KLF17: variants seen among roughly 807,000 people sequenced by gnomAD.
KLF17 encodes Krueppel-like factor 17.
In KLF17, 31 loss-of-function variants were observed where a neutral mutation model predicts 34.2. The observed-to-expected ratio is 0.91, with a 90% CI of 0.68 to 1.22. KLF17 has a LOEUF of 1.22. KLF17 is among the 50% of genes most tolerant of loss of function. The pLI, the probability that KLF17 is intolerant of heterozygous loss-of-function variation, is 0.00. For synonymous variants in KLF17, 179 were observed against 186.7 expected, an observed-to-expected ratio of 0.96 and a Z score of 0.34; for missense variants, 478 against 505.2, an observed-to-expected ratio of 0.95 and a Z score of 0.52.
chr1:44,063,938 T>C, the KLF17 span, among the ~76,000 whole-genome samples: 1 of 152,168 alleles, frequency 6.6e-6, no homozygotes, highest in African/African-American at 2.4e-5. Context: ...GATTGAATGC[T>C]GTTAGGAAGC....
intron 1 of KLF17, among the ~76,000 whole-genome samples, chr1:44,124,688 G>C (rs1481478324): frequency 6.6e-6 from 1 of 151,974 alleles, no homozygotes; most frequent in African/African-American, 2.4e-5. Flanking sequence ...TAGAGATGGG[G>C]TTTTACCATG....
Position 44,127,642 on chromosome 1 carries a change from C to CTTTTCTTTTCTTTTCTTTTCT in KLF17, c.82-1708_82-1707insTCTTTTCTTTTCTTTTCTTTT, listed in dbSNP as rs749639168. Among the ~76,000 whole-genome samples the CTTTTCTTTTCTTTTCTTTTCT allele has an allele frequency of 1.4e-4, 7 of 48,506 alleles. 1 individual carries two copies. The highest frequency in any genetic ancestry group is 6.9e-4 in the African/African-American group (7 of 10,208). 31.8% of individuals were successfully genotyped at this position (48,506 alleles called of 152,430 possible). A position where few individuals can be genotyped will look rare whatever the true frequency, so the allele number is the denominator to read the frequency against. On this transcript the variant is annotated intron_variant, in intron 1 of 3. Coordinates refer to ENST00000372299, the MANE Select transcript of KLF17 (RefSeq NM_173484.4). ...TTCTTTTCTTTTCTTTTCTTTCCTTCTTTCTTTCTTTCTTTCTTTCTTTCT... is the reference window on the plus strand; with the variant it reads ...TTCTTTTCTTTTCTTTTCTTTCCTTCTTTTCTTTTCTTTTCTTTTCTTTTCTTTCTTTCTTTCTTTCTTTCT...
At chr1:44,130,328 C>T (rs2088092597) in intron 2 of KLF17, 132 bp downstream of exon 2, 23 of 1,441,138 alleles carry the variant, frequency 1.6e-5, no homozygotes, top group Non-Finnish European at 2.1e-5. Context: ...GACTGGCCCC[C>T]CGACTTGCCA....
At chr1:44,063,384 A>T in the KLF17 span, among the ~76,000 whole-genome samples, 1 of 152,192 alleles carries the variant, frequency 6.6e-6, no homozygotes, top group African/African-American at 2.4e-5. Flanking sequence ...AATAAAATGG[A>T]AAAAAATCAT....
chr1:44,131,445 G>T (rs2088108440), intron 3 of KLF17, among the ~76,000 whole-genome samples: 1 of 152,248 alleles, frequency 6.6e-6, no homozygotes, highest in African/African-American at 2.4e-5. Flanking sequence ...TCCTGAATTT[G>T]CCACTTAATA....
chr1:44,127,684 TTCTTTCTTTTTC>T lies in KLF17; in HGVS notation c.82-1667_82-1656del, dbSNP rs1268846379. Among the ~76,000 whole-genome samples, 182 of 33,446 alleles carry T rather than the reference TTCTTTCTTTTTC, an allele frequency of 5.4e-3. 4 individuals are homozygous for T. The highest frequency in any genetic ancestry group is 0.044 in the Middle Eastern group (3 of 68). 21.9% of individuals were successfully genotyped at this position (33,446 alleles called of 152,430 possible). Reference sequence around the variant, plus strand: ...TTTCTTTCTTTCTTTCTTTCTTTCTTTCTTTCTTTTTCTTTCTTTCTTTCTTTCTTCTCTTTT... The same window carrying T: ...TTTCTTTCTTTCTTTCTTTCTTTCTTTTTCTTTCTTTCTTTCTTCTCTTTT... On this transcript the variant is annotated intron_variant, in intron 1 of 3. Transcript: ENST00000372299.
the KLF17 span, among the ~76,000 whole-genome samples, chr1:44,091,635 C>CAAAAAAAAAAAAAAAAAAAAAAAAA: frequency 1.3e-5 from 1 of 79,034 alleles, no homozygotes; most frequent in Non-Finnish European, 2.5e-5. Context: ...GACTCCATCT[C>CAAAAAAAAAAAAAAAAAAAAAAAAA]AAAAAAAAAA....
intron 3 of KLF17, among the ~76,000 whole-genome samples, chr1:44,132,916 C>A (rs1291917720): frequency 2.0e-5 from 3 of 152,176 alleles, no homozygotes. Context: ...AGGAACTTGG[C>A]CAAGCTATCA....
chr1:44,130,122 G>A lies in KLF17; in HGVS notation c.851G>A (p.Cys284Tyr). The change falls in exon 2 of 4, where the codon TGC becomes TAC. Residue 284 changes from cysteine (C) to tyrosine (Y), a missense_variant. Cys to Tyr is a radical substitution (Grantham distance 194, BLOSUM62 -2). Coordinates refer to ENST00000372299, the MANE Select transcript of KLF17 (RefSeq NM_173484.4). ...RRGSSEARPY[C>Y]CNYENCGKAY... Reference sequence around the variant, plus strand: ...GGCTCCTCAGAGGCAAGGCCTTACTGCTGCAACTACGAGAACTGCGGAAAA... The same window carrying A: ...GGCTCCTCAGAGGCAAGGCCTTACTACTGCAACTACGAGAACTGCGGAAAA... 2 of 1,614,234 alleles carry A rather than the reference G, an allele frequency of 1.2e-6. No homozygotes were observed. The highest frequency in any genetic ancestry group is 1.7e-6 in the Non-Finnish European group (2 of 1,180,044).
At chr1:44,080,524 C>T in the KLF17 span, among the ~76,000 whole-genome samples, 6 of 152,130 alleles carry the variant, frequency 3.9e-5, no homozygotes, top group Non-Finnish European at 8.8e-5. Flanking sequence ...AGGCGTGAGC[C>T]ACAGCACCAG....
chr1:44,057,965 G>A, the KLF17 span, among the ~76,000 whole-genome samples: 1 of 152,192 alleles, frequency 6.6e-6, no homozygotes, highest in Non-Finnish European at 1.5e-5. Flanking sequence ...ATATTTGCTA[G>A]TATTTATAGA....
At chr1:44,092,158 C>T in the KLF17 span, among the ~76,000 whole-genome samples, 9 of 151,834 alleles carry the variant, frequency 5.9e-5, no homozygotes, top group South Asian at 1.7e-3. Flanking sequence ...GCCTGACCAA[C>T]ATGGAGAAAC....
At chr1:44,051,448 G>T in the KLF17 span, 1 of 152,318 alleles carries the variant, frequency 6.6e-6, no homozygotes, top group Non-Finnish European at 1.5e-5. Flanking sequence ...CTTCACCTGG[G>T]TGCCACGTGG....
At chr1:44,093,030 G>A in the KLF17 span, among the ~76,000 whole-genome samples, 3 of 141,574 alleles carry the variant, frequency 2.1e-5, no homozygotes, top group Admixed American at 7.3e-5. Flanking sequence ...TACATTATAA[G>A]GTACTCAAAG....
At chr1:44,115,442 C>T (rs1284362619), upstream of KLF17, 1 of 105,928 alleles carries the variant, frequency 9.4e-6, no homozygotes, top group Non-Finnish European at 1.7e-5. Context: ...TGGAGCGAGA[C>T]TCTGTGTCAA....
chr1:44,084,943 A>G, the KLF17 span, among the ~76,000 whole-genome samples: 2 of 151,020 alleles, frequency 1.3e-5, no homozygotes, highest in African/African-American at 4.9e-5. Context: ...AAAAAAAAAG[A>G]ATTACCAAGC....
At chr1:44,099,910 AAAG>A in the KLF17 span, among the ~76,000 whole-genome samples, 27 of 65,004 alleles carry the variant, frequency 4.2e-4, 1 homozygote, top group East Asian at 1.8e-3. Context: ...AGAAAGAAAG[AAAG>A]AAAGAAAAGA....
chr1:44,127,692 T>TTCTTTCTTTTCTTTCTTTCTTTCTTTTTC (rs753421834), intron 1 of KLF17, among the ~76,000 whole-genome samples: 1 of 90,172 alleles, frequency 1.1e-5, no homozygotes, highest in African/African-American at 5.5e-5. Context: ...CTTTCTTTCT[T>TTCTTTCTTTTCTTTCTTTCTTTCTTTTTC]TTTCTTTCTT....
At chr1:44,084,376 C>T in the KLF17 span, among the ~76,000 whole-genome samples, 3 of 151,994 alleles carry the variant, frequency 2.0e-5, no homozygotes, top group Admixed American at 6.6e-5. Context: ...ATCCTGGAAG[C>T]GAAGCTCTTA....
Sources: allele counts gnomAD v4.1 joint callset (sites outside exome capture counted in the v4.1 genomes callset), GRCh38; gene constraint gnomAD v4.1.1; transcripts MANE v1.5; gene names NCBI Gene and HGNC (gene_info 2026-07-23, HGNC 2026-07-21).